The following STXBP4 variants were observed in gnomAD, a reference collection of about 807,000 sequenced individuals.
STXBP4 encodes the protein syntaxin-binding protein 4.
STXBP4 carries 55 observed loss-of-function variants against 76.1 expected under a neutral mutation model. That is an observed-to-expected ratio of 0.72 (90% CI 0.58 to 0.91). The LOEUF is 0.91. STXBP4 is among the 40% of genes least tolerant of loss of function. The pLI, the probability that STXBP4 is intolerant of heterozygous loss-of-function variation, is 0.00. For synonymous variants in STXBP4, 201 were observed against 220.2 expected (o/e 0.91, Z 0.77); for missense variants, 618 against 636.9 (o/e 0.97, Z 0.32).
At chr17:55,054,074 T>C (rs190164507) in intron 12 of STXBP4, among the ~76,000 whole-genome samples, 177 of 152,286 alleles carry the variant, frequency 1.2e-3, no homozygotes, top group African/African-American at 3.8e-3. Flanking sequence ...TTTCTGTTAT[T>C]AAGAAAGGTC....
At chr17:55,083,921 G>A (rs1006793387) in intron 16 of STXBP4, among the ~76,000 whole-genome samples, 3 of 152,124 alleles carry the variant, frequency 2.0e-5, no homozygotes, top group Admixed American at 1.3e-4. Context: ...ACCCGTGTAT[G>A]GGAAAGTGAC....
chr17:54,987,954 G>A (rs2077650769), intron 3 of STXBP4, among the ~76,000 whole-genome samples: 1 of 152,110 alleles, frequency 6.6e-6, no homozygotes, highest in East Asian at 1.9e-4. Context: ...TATGAGTAAA[G>A]TTGAGCAGAA....
chr17:55,104,520 C>T (rs541084324), intron 16 of STXBP4, among the ~76,000 whole-genome samples: 25 of 152,184 alleles, frequency 1.6e-4, no homozygotes, highest in Non-Finnish European at 2.5e-4. Flanking sequence ...CTGCTGGATC[C>T]GGTTTGCTAA....
intron 8 of STXBP4, among the ~76,000 whole-genome samples, chr17:55,029,074 G>A (rs73323244): frequency 0.046 from 7,041 of 151,762 alleles, 573 homozygotes; most frequent in African/African-American, 0.16. Flanking sequence ...GATTGGAGTA[G>A]TTATAAAAGC....
chr17:55,085,938 C>T (rs926620335), intron 16 of STXBP4, among the ~76,000 whole-genome samples: 17 of 152,082 alleles, frequency 1.1e-4, no homozygotes, highest in African/African-American at 4.1e-4. Flanking sequence ...TGAAAATAAT[C>T]ACTCGTAATG....
chr17:55,172,801 A>T lies in STXBP4; in HGVS notation c.*12890A>T, dbSNP rs551353774. The T allele has an allele frequency of 6.6e-6, 1 of 152,312 alleles. No individual in the cohort carries two copies. Among genetic ancestry groups the T allele is most frequent in the South Asian group, 2.1e-4 (1 of 4,832 alleles). The allele number at this position is 152,312 out of a possible 1,614,324, so 9.4% of individuals were successfully genotyped here. ...CCTGATTTGTAAACTGAAGGTCCCA[A>T]ATCCTGGGAACTCCCTCAGCTCTGG... On this transcript the variant is annotated 3_prime_UTR_variant, in exon 18 of 18. Transcript: ENST00000376352.
intron 11 of STXBP4, among the ~76,000 whole-genome samples, chr17:55,046,040 A>G (rs984974603): frequency 6.6e-6 from 1 of 152,084 alleles, no homozygotes; most frequent in African/African-American, 2.4e-5. Context: ...TTTTATGTCA[A>G]TAGCTAATTT....
At chr17:55,122,299 G>A (rs531770564) in intron 16 of STXBP4, among the ~76,000 whole-genome samples, 1 of 152,202 alleles carries the variant, frequency 6.6e-6, no homozygotes, top group African/African-American at 2.4e-5. Flanking sequence ...TAAGTGCTGT[G>A]ATAGAAACTG....
intron 8 of STXBP4, among the ~76,000 whole-genome samples, chr17:55,027,020 C>T (rs1345031263): frequency 1.3e-5 from 2 of 152,114 alleles, no homozygotes; most frequent in African/African-American, 4.8e-5. Context: ...CTGCTGCTAG[C>T]CAATACCGCA....
Position 55,040,700 on chromosome 17 carries a change from G to T in STXBP4, c.856-2536G>T, listed in dbSNP as rs536475589. ...GAAGGAGACTCTAGAAAGCAGAGTAGAAATGATTTACAATGTTATTTACCA... is the reference window on the plus strand; with the variant it reads ...GAAGGAGACTCTAGAAAGCAGAGTATAAATGATTTACAATGTTATTTACCA... On this transcript the variant is annotated intron_variant, in intron 10 of 17. Transcript: ENST00000376352. 9.8e-5 allele frequency among the ~76,000 whole-genome samples: 15 copies of T among 152,290 alleles called. 2 individuals carry two copies. Among genetic ancestry groups the T allele is most frequent in the African/African-American group, 3.6e-4 (15 of 41,570 alleles).
intron 10 of STXBP4, among the ~76,000 whole-genome samples, chr17:55,037,746 A>C (rs1334551659): frequency 6.6e-6 from 1 of 152,196 alleles, no homozygotes; most frequent in East Asian, 1.9e-4. Flanking sequence ...AGCCTGTCAA[A>C]GCATTAGTTA....
chr17:55,081,728 A>G (rs2079257741), intron 16 of STXBP4, among the ~76,000 whole-genome samples: 1 of 152,148 alleles, frequency 6.6e-6, no homozygotes, highest in Admixed American at 6.6e-5. Flanking sequence ...TAGTCTTCAG[A>G]GCTGCTGGCT....
chr17:55,174,141 A>C (rs1008884710), downstream of STXBP4, among the ~76,000 whole-genome samples: 4 of 152,226 alleles, frequency 2.6e-5, no homozygotes, highest in African/African-American at 9.6e-5. Flanking sequence ...TTCATCTCTT[A>C]ATCACATCTG....
At chr17:55,106,915 G>T (rs1462522454) in intron 16 of STXBP4, among the ~76,000 whole-genome samples, 1 of 152,104 alleles carries the variant, frequency 6.6e-6, no homozygotes, top group Non-Finnish European at 1.5e-5. Context: ...TATGTGTCTT[G>T]GGGTTGCTCT....
chr17:55,198,956 G>A, the STXBP4 span, among the ~76,000 whole-genome samples: 37 of 152,198 alleles, frequency 2.4e-4, no homozygotes, highest in African/African-American at 8.7e-4. Flanking sequence ...TACTATAAAG[G>A]CTCTGACACA....
At chr17:55,110,135 C>T (rs2787508) in intron 16 of STXBP4, among the ~76,000 whole-genome samples, 46,642 of 151,986 alleles carry the variant, frequency 0.31, 7,454 homozygotes, top group African/African-American at 0.36. Flanking sequence ...GCTTTTCCAT[C>T]TTAAAAGCTA....
intron 11 of STXBP4, among the ~76,000 whole-genome samples, chr17:55,045,794 T>C (rs942804529): frequency 1.3e-5 from 2 of 152,086 alleles, no homozygotes; most frequent in African/African-American, 4.8e-5. Context: ...AACCTACCTA[T>C]TGGCTGGCCA....
chr17:55,018,712 G>A (rs1467972752), intron 8 of STXBP4, among the ~76,000 whole-genome samples: 2 of 152,164 alleles, frequency 1.3e-5, no homozygotes, highest in African/African-American at 4.8e-5. Flanking sequence ...TGTTTTGGGG[G>A]CAGGGGGTGG....
intron 16 of STXBP4, among the ~76,000 whole-genome samples, chr17:55,131,988 GC>G (rs2079978529): frequency 6.6e-6 from 1 of 152,054 alleles, no homozygotes; most frequent in African/African-American, 2.4e-5. Context: ...TTCCCAAAGT[GC>G]TGAGGTTACA....
Sources: gnomAD v4.1 joint callset for allele counts (sites outside exome capture counted in the v4.1 genomes callset) on GRCh38, gnomAD v4.1.1 for gene constraint, MANE v1.5 for transcripts, NCBI Gene and HGNC (gene_info 2026-07-23, HGNC 2026-07-21) for gene names.